The following EXOC4 variants were observed in gnomAD, a reference collection of about 807,000 sequenced individuals.
EXOC4 encodes SEC8-like 1.
In EXOC4, 71 loss-of-function variants were observed where a neutral mutation model predicts 107.2. That is an observed-to-expected ratio of 0.66 (90% CI 0.55 to 0.81). The LOEUF (loss-of-function observed/expected upper bound fraction) is 0.81. Ranked by LOEUF, EXOC4 falls within the 30% of genes least tolerant of loss-of-function variation. EXOC4 has a pLI of 0.00. For missense variants in EXOC4, 1,108 were observed against 1,189.6 expected, an observed-to-expected ratio of 0.93 and a Z score of 1.01; for synonymous variants, 456 against 441.2, an observed-to-expected ratio of 1.03 and a Z score of -0.42.
chr7:133,297,675 A>G (rs547972659), intron 3 of EXOC4, among the ~76,000 whole-genome samples: 4 of 152,330 alleles, frequency 2.6e-5, no homozygotes, highest in Admixed American at 2.6e-4. Context: ...TGTAGGATAT[A>G]AAGCAGTATA....
chr7:134,046,501 G>T (rs6951581), intron 17 of EXOC4, among the ~76,000 whole-genome samples: 150,285 of 150,302 alleles, frequency 1, 75,134 homozygotes, highest in Middle Eastern at 1. Context: ...CGGCTCAGAT[G>T]GTCCCCTCCT....
chr7:133,312,467 G>A (rs926884701), intron 4 of EXOC4, among the ~76,000 whole-genome samples: 1 of 152,140 alleles, frequency 6.6e-6, no homozygotes, highest in African/African-American at 2.4e-5. Context: ...TAGGGAGGTA[G>A]AAATTCTTTT....
At chr7:134,014,775 T>C (rs1035307561) in intron 17 of EXOC4, among the ~76,000 whole-genome samples, 1 of 152,046 alleles carries the variant, frequency 6.6e-6, no homozygotes, top group Non-Finnish European at 1.5e-5. Context: ...GGTATATGAA[T>C]TATATCTCGA....
At position 134,025,494 on chromosome 7, in the gene EXOC4, G is replaced by A. The variant is rs534663662; in HGVS notation, c.2687+17659G>A. ...CTCTTAGTTGAGCAGATTGACTGGG[G>A]CCCAGCTGTAAGGTTCTTCTCTGGA... On this transcript the variant is annotated intron_variant, in intron 17 of 17. Coordinates refer to ENST00000253861, the MANE Select transcript of EXOC4 (RefSeq NM_021807.4). Among the ~76,000 whole-genome samples, 8 of 152,314 alleles carry A rather than the reference G, an allele frequency of 5.3e-5. No individual in the cohort carries two copies. In the East Asian group the frequency reaches 1.2e-3, roughly 22 times the overall value.
chr7:133,738,159 G>T (rs1160017109), intron 10 of EXOC4, among the ~76,000 whole-genome samples: 2 of 151,826 alleles, frequency 1.3e-5, no homozygotes, highest in African/African-American at 4.8e-5. Flanking sequence ...TGATCCTCCT[G>T]CTTCGGCCTC....
At chr7:133,857,103 TA>T (rs1798393680) in intron 11 of EXOC4, among the ~76,000 whole-genome samples, 1 of 109,160 alleles carries the variant, frequency 9.2e-6, no homozygotes, top group African/African-American at 3.8e-5. Flanking sequence ...TCTTTATATA[TA>T]TATATATGTG....
downstream of EXOC4, among the ~76,000 whole-genome samples, chr7:134,070,162 C>T (rs1052048736): frequency 5.9e-5 from 9 of 152,190 alleles, no homozygotes; most frequent in Non-Finnish European, 1.0e-4. Context: ...TGAGGTACCA[C>T]GAACAAGAAA....
chr7:133,287,301 A>C (rs1327212613), intron 2 of EXOC4, among the ~76,000 whole-genome samples: 1 of 14 alleles, frequency 0.071, no homozygotes, highest in Non-Finnish European at 0.1. Flanking sequence ...TCAGTCTATT[A>C]TATATATATA....
In EXOC4 at chr7:133,637,455, A is replaced by G. The variant is rs114167610; in HGVS notation, c.1514+7314A>G. On this transcript the variant is annotated intron_variant, in intron 10 of 17. Coordinates refer to ENST00000253861, the MANE Select transcript of EXOC4 (RefSeq NM_021807.4). ...GTTCACAGGTATGTGATATTTTTAT[A>G]CAGATGCATGTTTGTTCTTAATGAG... is the stretch of plus-strand genomic sequence containing the variant. 3.8e-3 allele frequency among the ~76,000 whole-genome samples: 573 copies of G among 152,286 alleles called. 5 individuals carry two copies. The highest frequency in any genetic ancestry group is 0.013 in the African/African-American group (534 of 41,570).
chr7:133,284,492 G>A (rs1794229837), intron 2 of EXOC4, among the ~76,000 whole-genome samples: 2 of 152,028 alleles, frequency 1.3e-5, no homozygotes, highest in Non-Finnish European at 2.9e-5. Context: ...GAACTCCAGT[G>A]GAATTTAGGA....
At chr7:133,431,929 C>G (rs1797864825) in intron 7 of EXOC4, among the ~76,000 whole-genome samples, 1 of 152,194 alleles carries the variant, frequency 6.6e-6, no homozygotes, top group Non-Finnish European at 1.5e-5. Flanking sequence ...TTCCAGGGAG[C>G]AGACTATTAA....
At chr7:133,949,116 C>G (rs1563068110) in intron 14 of EXOC4, among the ~76,000 whole-genome samples, 1 of 152,176 alleles carries the variant, frequency 6.6e-6, no homozygotes, top group Non-Finnish European at 1.5e-5. Context: ...GATGTAAAAG[C>G]TGCACCTCTT....
At chr7:133,662,240 CAG>C (rs1406873302) in intron 10 of EXOC4, among the ~76,000 whole-genome samples, 1 of 152,024 alleles carries the variant, frequency 6.6e-6, no homozygotes. Context: ...TAGTTGAAAA[CAG>C]GGCTCCATTT....
chr7:133,575,123 A>C lies in EXOC4; in HGVS notation c.1418-54922A>C, dbSNP rs778296942. 2.0e-5 allele frequency among the ~76,000 whole-genome samples: 3 copies of C among 152,070 alleles called. No homozygotes were observed. In the East Asian group the frequency reaches 5.8e-4, roughly 29 times the overall value. On this transcript the variant is annotated intron_variant, in intron 9 of 17. Transcript: ENST00000253861. ...CCCCAAAAGAAGTCAGAATGTATTC[A>C]TTTTTTCTCGTCATTTCCTTCTTAG...
At chr7:133,695,886 C>A (rs1562911786) in intron 10 of EXOC4, among the ~76,000 whole-genome samples, 1 of 152,138 alleles carries the variant, frequency 6.6e-6, no homozygotes, top group Non-Finnish European at 1.5e-5. Flanking sequence ...CATCCAAATT[C>A]ATTTGTTATA....
intron 7 of EXOC4, among the ~76,000 whole-genome samples, chr7:133,406,263 A>G (rs1797217085): frequency 6.6e-6 from 1 of 152,190 alleles, no homozygotes; most frequent in Non-Finnish European, 1.5e-5. Flanking sequence ...CCATTTTCTT[A>G]CACCATACTG....
At chr7:133,984,730 G>A (rs1794074002) in intron 14 of EXOC4, among the ~76,000 whole-genome samples, 5 of 152,134 alleles carry the variant, frequency 3.3e-5, no homozygotes, top group Admixed American at 2.6e-4. Flanking sequence ...TAGGAGAGAG[G>A]CAGAGTGTTA....
At chr7:133,272,783 A>T (rs533484938) in intron 1 of EXOC4, among the ~76,000 whole-genome samples, 1 of 152,286 alleles carries the variant, frequency 6.6e-6, no homozygotes, top group East Asian at 1.9e-4. Flanking sequence ...CAGTAGGCCC[A>T]ATTTCCTCTC....
chr7:133,899,619 T>C (rs1036651597), intron 12 of EXOC4, among the ~76,000 whole-genome samples: 30 of 152,196 alleles, frequency 2.0e-4, no homozygotes, highest in Non-Finnish European at 8.8e-5. Flanking sequence ...AAACTGAACA[T>C]TCCCAGTTTC....
Sources: allele counts gnomAD v4.1 joint callset (sites outside exome capture counted in the v4.1 genomes callset), GRCh38; gene constraint gnomAD v4.1.1; transcripts MANE v1.5; gene names NCBI Gene and HGNC (gene_info 2026-07-23, HGNC 2026-07-21).